Variants in NRK observed in about 807,000 individuals in gnomAD.
NRK encodes the protein nik-related protein kinase.
NRK carries 67 observed loss-of-function variants against 125.2 expected under a neutral mutation model. The ratio of observed to expected loss-of-function variants is 0.54; its 90% CI spans 0.44 to 0.66. NRK has a LOEUF of 0.66. Among genes scored for constraint, NRK ranks in the 30% least tolerant of loss-of-function variants. The pLI is 0.00. For synonymous variants in NRK, 458 were observed against 429.0 expected (o/e 1.07, Z -0.84); for missense variants, 1,224 against 1,192.9 (o/e 1.03, Z -0.38).
At chrX:105,860,382 C>T (rs2039586664) in intron 2 of NRK, among the ~76,000 whole-genome samples, 2 of 111,112 alleles carry the variant, frequency 1.8e-5, no homozygotes, top group African/African-American at 6.5e-5. Context: ...CATTATTTAA[C>T]TTATTTTCAT....
chrX:105,863,721 A>T (rs996776939), intron 2 of NRK, among the ~76,000 whole-genome samples: 1 of 111,890 alleles, frequency 8.9e-6, no homozygotes, highest in Non-Finnish European at 1.9e-5. Flanking sequence ...TCTTCAGGAG[A>T]TTTTGCACTT....
chrX:105,908,807 C>T lies in NRK; in HGVS notation c.1166C>T (p.Pro389Leu), dbSNP rs1350391117. The change falls in exon 13 of 29, where the codon CCC (proline) becomes CTC (leucine). Residue 389 changes from proline to leucine, a missense_variant. Pro to Leu is a moderately conservative substitution (Grantham distance 98). Transcript: ENST00000243300. ...CRPLRVLHGE[P>L]SQPRWLPDRE... ...CCACTTAGAGTCCTGCATGGGGAAC[C>T]CTCTCAGCCAAGGTGGCTACCTGAT... is the stretch of plus-strand genomic sequence containing the variant. The T allele has an allele frequency of 1.7e-6, 2 of 1,211,002 alleles. No homozygotes were observed. The highest frequency in any genetic ancestry group is 5.9e-5 in the East Asian group (2 of 33,763).
intron 28 of NRK, 68 bp from the exon 29 acceptor site, chrX:105,955,437 A>G (rs1416949111): frequency 3.4e-6 from 2 of 584,338 alleles, no homozygotes; most frequent in African/African-American, 2.3e-5. Context: ...ATAAAATTAT[A>G]GTTATATGAA....
intron 4 of NRK, among the ~76,000 whole-genome samples, chrX:105,882,371 A>C (rs1170576030): frequency 9.0e-6 from 1 of 110,655 alleles, no homozygotes; most frequent in African/African-American, 3.3e-5. Context: ...CATGTTTTCT[A>C]TGTGCAGCTT....
At chrX:105,895,632 G>A (rs2040073152) in intron 7 of NRK, 109 bp downstream of exon 7, 2 of 534,265 alleles carry the variant, frequency 3.7e-6, no homozygotes, top group South Asian at 4.2e-5. Context: ...CTACTTATTT[G>A]AGCTGGGTTT....
At chrX:105,837,405 C>A (rs1439828670) in intron 2 of NRK, among the ~76,000 whole-genome samples, 1 of 111,483 alleles carries the variant, frequency 9.0e-6, no homozygotes, top group Non-Finnish European at 1.9e-5. Flanking sequence ...CCAACCACAT[C>A]CCCTGCTGGA....
At chrX:105,949,766 C>A in intron 27 of NRK, 32 bp downstream of exon 27, 1 of 1,022,375 alleles carries the variant, frequency 9.8e-7, no homozygotes, top group Non-Finnish European at 1.3e-6. Flanking sequence ...TCTTCAGGAC[C>A]CCAGAGAAAA....
chrX:105,919,706 T>A (rs1454848235), intron 16 of NRK, among the ~76,000 whole-genome samples: 1 of 111,680 alleles, frequency 9.0e-6, no homozygotes, highest in Non-Finnish European at 1.9e-5. Context: ...TTGAACTACA[T>A]CTGGATATAT....
intron 9 of NRK, among the ~76,000 whole-genome samples, chrX:105,902,281 T>C (rs971920286): frequency 1.8e-5 from 2 of 111,428 alleles, no homozygotes; most frequent in African/African-American, 6.5e-5. Context: ...AAAATAGGGC[T>C]GGCCTGCCTG....
At chrX:105,904,103 T>G (rs1259887625) in intron 9 of NRK, among the ~76,000 whole-genome samples, 2 of 111,705 alleles carry the variant, frequency 1.8e-5, no homozygotes, top group Non-Finnish European at 3.8e-5. Context: ...TTTAGGTATT[T>G]CTGAGGATGC....
intron 2 of NRK, among the ~76,000 whole-genome samples, chrX:105,844,859 TA>T (rs1363920304): frequency 2.7e-5 from 3 of 112,216 alleles, no homozygotes; most frequent in Non-Finnish European, 5.6e-5. Flanking sequence ...TTATGATTTT[TA>T]AATAGGCAAA....
intron 9 of NRK, among the ~76,000 whole-genome samples, chrX:105,904,765 T>C (rs1483183812): frequency 9.0e-6 from 1 of 111,142 alleles, no homozygotes; most frequent in Non-Finnish European, 1.9e-5. Context: ...TCTTAACAGT[T>C]GCACTATACC....
chrX:105,893,996 A>G (rs2040048021), intron 6 of NRK, 54 bp downstream of exon 6: 4 of 647,957 alleles, frequency 6.2e-6, no homozygotes, highest in Admixed American at 2.6e-5. Context: ...TGGGAGTAAT[A>G]TATACAATGC....
At chrX:105,831,740 T>G (rs6622012) in intron 2 of NRK, among the ~76,000 whole-genome samples, 12,703 of 111,083 alleles carry the variant, frequency 0.11, 1,809 homozygotes, top group African/African-American at 0.4. Context: ...ATGTGTTGGG[T>G]TTGTTGGGGG....
intron 19 of NRK, among the ~76,000 whole-genome samples, chrX:105,927,318 A>G (rs771924157): frequency 4.5e-5 from 5 of 111,651 alleles, no homozygotes; most frequent in African/African-American, 1.6e-4. Context: ...AGATTTTTCT[A>G]TGCTGATTTT....
intron 4 of NRK, among the ~76,000 whole-genome samples, chrX:105,882,259 C>T (rs750548875): frequency 7.3e-5 from 8 of 109,745 alleles, no homozygotes; most frequent in South Asian, 4.0e-4. Flanking sequence ...CCCACCCCCC[C>T]GCTTTTTGTA....
chrX:105,849,214 A>G (rs2039439053), intron 2 of NRK, among the ~76,000 whole-genome samples: 1 of 111,910 alleles, frequency 8.9e-6, no homozygotes, highest in Non-Finnish European at 1.9e-5. Context: ...AACGAGGAAG[A>G]AGCAAGAGCA....
rs371299447 is a variant in NRK, at chrX:105,934,311, G to A, written c.3366G>A (p.Pro1122=). 163 of 1,184,822 alleles carry A rather than the reference G, an allele frequency of 1.4e-4. 1 individual carries two copies. Among genetic ancestry groups the A allele is most frequent in the Admixed American group, 5.1e-4 (23 of 44,867 alleles). The change falls in exon 20 of 29, where the codon CCG becomes CCA. Residue 1122 remains proline (P), a synonymous_variant. Coordinates refer to ENST00000243300, the MANE Select transcript of NRK (RefSeq NM_198465.4). Reference sequence around the variant, plus strand: ...ATGCCATTGACTCAGGTGCTGCACCGTCAGCACCTGATCATGAGAGTGACA... The same window carrying A: ...ATGCCATTGACTCAGGTGCTGCACCATCAGCACCTGATCATGAGAGTGACA... ...ASNAIDSGAA[P]SAPDHESDNK...
chrX:105,852,046 G>C, intron 2 of NRK, among the ~76,000 whole-genome samples: 1 of 112,119 alleles, frequency 8.9e-6, no homozygotes, highest in Admixed American at 9.5e-5. Flanking sequence ...TGGGAAAACA[G>C]TTAAACCATA....
Sources: gnomAD v4.1 joint callset for allele counts (sites outside exome capture counted in the v4.1 genomes callset) on GRCh38, gnomAD v4.1.1 for gene constraint, MANE v1.5 for transcripts, NCBI Gene and HGNC (gene_info 2026-07-23, HGNC 2026-07-21) for gene names.